Variants in CTNNA3 observed in about 807,000 individuals in gnomAD.
The protein encoded by CTNNA3 is catenin alpha-3.
A neutral mutation model predicts 95.7 loss-of-function variants in CTNNA3; 76 were observed. The observed-to-expected ratio is 0.79, with a 90% CI of 0.66 to 0.96. The LOEUF (loss-of-function observed/expected upper bound fraction) is 0.96, where lower values mean the gene tolerates loss of function less well. CTNNA3 is among the 40% of genes least tolerant of loss of function. CTNNA3 has a pLI of 0.00. For synonymous variants in CTNNA3, 431 were observed against 374.4 expected (o/e 1.15, Z -1.74); for missense variants, 1,191 against 1,089.8 (o/e 1.09, Z -1.31).
At chr10:66,372,279 G>C (rs532612279) in intron 12 of CTNNA3, among the ~76,000 whole-genome samples, 1 of 152,218 alleles carries the variant, frequency 6.6e-6, no homozygotes, top group African/African-American at 2.4e-5. Flanking sequence ...AAGATCCATA[G>C]AGTAAATCTG....
At chr10:66,588,453 C>T (rs1843435705) in intron 10 of CTNNA3, among the ~76,000 whole-genome samples, 2 of 151,996 alleles carry the variant, frequency 1.3e-5, no homozygotes, top group Non-Finnish European at 2.9e-5. Context: ...CTCCAAACCA[C>T]TGGGCCATTT....
At chr10:66,501,774 A>G (rs944656648) in intron 11 of CTNNA3, among the ~76,000 whole-genome samples, 5 of 152,096 alleles carry the variant, frequency 3.3e-5, no homozygotes, top group African/African-American at 1.2e-4. Context: ...GATTATTTTG[A>G]TGCCCTAAAT....
In CTNNA3 at chr10:67,067,223, A is replaced by G. The variant is rs541756983; in HGVS notation, c.1047+113094T>C. On this transcript the variant is annotated intron_variant, in intron 7 of 17. Coordinates refer to ENST00000433211, the MANE Select transcript of CTNNA3 (RefSeq NM_013266.4). ...ATACCACAGAAGTGAAACAATTTTTAAGTATGTGTGTATATTTATATATTT... is the reference window on the plus strand; with the variant it reads ...ATACCACAGAAGTGAAACAATTTTTGAGTATGTGTGTATATTTATATATTT... Among the ~76,000 whole-genome samples the G allele has an allele frequency of 4.6e-5, 7 of 152,300 alleles. No homozygotes were observed. The South Asian group carries it at 8.3e-4, about 18-fold the overall frequency.
chr10:66,716,415 T>C (rs940267020), intron 9 of CTNNA3, among the ~76,000 whole-genome samples: 2 of 152,192 alleles, frequency 1.3e-5, no homozygotes, highest in African/African-American at 4.8e-5. Flanking sequence ...CAAAATAAGA[T>C]GTTCATCTCT....
intron 2 of CTNNA3, among the ~76,000 whole-genome samples, chr10:67,620,923 GTA>G (rs56300519): frequency 0.077 from 9,489 of 123,576 alleles, 435 homozygotes; most frequent in Non-Finnish European, 0.11. Context: ...GTGTGTGTGT[GTA>G]TATATATATA....
chr10:67,311,624 C>T (rs2616681), intron 5 of CTNNA3, among the ~76,000 whole-genome samples: 137,725 of 152,178 alleles, frequency 0.91, 62,789 homozygotes, highest in Middle Eastern at 0.97. Context: ...GTATTCAAAT[C>T]ATACCTCAAT....
intron 5 of CTNNA3, among the ~76,000 whole-genome samples, chr10:67,508,664 A>G (rs749196953): frequency 1.3e-5 from 2 of 152,198 alleles, no homozygotes; most frequent in Admixed American, 6.5e-5. Context: ...GTGAAATTAT[A>G]TCAAACTAAA....
At chr10:67,351,180 G>A (rs1842623885) in intron 5 of CTNNA3, among the ~76,000 whole-genome samples, 1 of 151,912 alleles carries the variant, frequency 6.6e-6, no homozygotes. Context: ...AAACAGATGA[G>A]TGGGTGTCAG....
intron 13 of CTNNA3, among the ~76,000 whole-genome samples, chr10:66,133,899 C>CGG (rs35078939): frequency 6.6e-6 from 1 of 151,850 alleles, no homozygotes; most frequent in East Asian, 1.9e-4. Flanking sequence ...AAAAATCTAA[C>CGG]TTAATAGAAA....
intron 3 of CTNNA3, among the ~76,000 whole-genome samples, chr10:67,605,728 GAGTACAA>G: frequency 7.8e-6 from 1 of 128,342 alleles, no homozygotes; most frequent in African/African-American, 4.2e-5. Flanking sequence ...CCCCAGGCTG[GAGTACAA>G]TGGTGTGATC....
intron 3 of CTNNA3, among the ~76,000 whole-genome samples, chr10:67,582,757 T>A (rs1271711711): frequency 6.6e-6 from 1 of 152,176 alleles, no homozygotes; most frequent in African/African-American, 2.4e-5. Flanking sequence ...ATTTGGTGCA[T>A]GTATATTTAG....
At chr10:66,360,812 C>CTTTCTTTCTTTCTTT (rs1564897249) in intron 12 of CTNNA3, among the ~76,000 whole-genome samples, 10 of 52,284 alleles carry the variant, frequency 1.9e-4, no homozygotes, top group Admixed American at 4.3e-4. Context: ...TTCCTTCCTT[C>CTTTCTTTCTTTCTTT]CTTCCTTTCT....
chr10:67,370,524 T>C (rs1843385969), intron 5 of CTNNA3, among the ~76,000 whole-genome samples: 1 of 152,174 alleles, frequency 6.6e-6, no homozygotes, highest in African/African-American at 2.4e-5. Context: ...AGCTAAGAAA[T>C]CTTACAATAG....
At chr10:66,610,244 G>A (rs778648373) in intron 10 of CTNNA3, among the ~76,000 whole-genome samples, 50 of 116,130 alleles carry the variant, frequency 4.3e-4, no homozygotes, top group Non-Finnish European at 1.9e-4. Flanking sequence ...AAATACCCAT[G>A]GGGGGGCTAT....
intron 11 of CTNNA3, among the ~76,000 whole-genome samples, chr10:66,460,064 A>G (rs902680437): frequency 6.6e-6 from 1 of 152,190 alleles, no homozygotes; most frequent in Non-Finnish European, 1.5e-5. Flanking sequence ...ATTATCCAAA[A>G]TGCTACCTAA....
At chr10:66,855,182 T>C (rs558039295) in intron 7 of CTNNA3, among the ~76,000 whole-genome samples, 53 of 152,096 alleles carry the variant, frequency 3.5e-4, no homozygotes, top group South Asian at 3.1e-3. Flanking sequence ...ATTTGGAAAC[T>C]AAAGCAGTTG....
intron 5 of CTNNA3, among the ~76,000 whole-genome samples, chr10:67,482,492 T>C (rs1312331649): frequency 6.6e-6 from 1 of 152,074 alleles, no homozygotes; most frequent in African/African-American, 2.4e-5. Context: ...TTCCTAGGTA[T>C]TTTATTCTCT....
intron 9 of CTNNA3, among the ~76,000 whole-genome samples, chr10:66,632,550 C>A (rs1845177335): frequency 3.2e-5 from 3 of 94,490 alleles, no homozygotes; most frequent in African/African-American, 4.1e-5. Flanking sequence ...AATGAAACTC[C>A]ATCTCAAAAA....
intron 11 of CTNNA3, among the ~76,000 whole-genome samples, chr10:66,444,859 A>T (rs976075500): frequency 3.9e-5 from 6 of 152,226 alleles, no homozygotes; most frequent in African/African-American, 1.4e-4. Flanking sequence ...AAATGCTCCA[A>T]TTAAAAGACA....
Sources: allele counts gnomAD v4.1 joint callset (sites outside exome capture counted in the v4.1 genomes callset), GRCh38; gene constraint gnomAD v4.1.1; transcripts MANE v1.5; gene names NCBI Gene and HGNC (gene_info 2026-07-23, HGNC 2026-07-21).